The following RBL2 variants were observed in gnomAD, a reference collection of about 807,000 sequenced individuals.
RBL2 encodes the protein retinoblastoma-like protein 2.
In RBL2, 56 loss-of-function variants were observed where a neutral mutation model predicts 126.0. The ratio of observed to expected loss-of-function variants is 0.44; its 90% CI spans 0.36 to 0.56. The LOEUF is 0.56. RBL2 is among the 20% of genes least tolerant of loss of function. The probability of loss-of-function intolerance (pLI) is 0.00; values close to 1 mark genes in which losing one functional copy is unlikely to be tolerated. For synonymous variants in RBL2, 454 were observed against 478.5 expected (o/e 0.95, Z 0.67); for missense variants, 1,229 against 1,398.2 (o/e 0.88, Z 1.93).
chr16:53,453,372 T>G, intron 5 of RBL2, 80 bp from the exon 6 acceptor site: 1 of 1,313,050 alleles, frequency 7.6e-7, no homozygotes, highest in Non-Finnish European at 1.1e-6. Context: ...CTGATTATAC[T>G]CTATGTTTTA....
At chr16:53,439,715 T>C (rs2057995459) in intron 2 of RBL2, among the ~76,000 whole-genome samples, 1 of 152,154 alleles carries the variant, frequency 6.6e-6, no homozygotes, top group Non-Finnish European at 1.5e-5. Context: ...TTTTCTTACA[T>C]GGCTTATTAA....
At chr16:53,477,350 TTTTTTAA>T (rs1960765207) in intron 17 of RBL2, among the ~76,000 whole-genome samples, 1 of 152,220 alleles carries the variant, frequency 6.6e-6, no homozygotes, top group Non-Finnish European at 1.5e-5. Flanking sequence ...TCTTTCTTTC[TTTTTTAA>T]GACTGAGTCT....
Position 53,458,019 on chromosome 16 carries a change from A to G in RBL2, c.1180-1432A>G, listed in dbSNP as rs192148974. Reference sequence around the variant, plus strand: ...TTGGCTGCAAGAAACCTTGTAAGGCAGGGAGCAGCCTTTTGAATGCAATAA... The same window carrying G: ...TTGGCTGCAAGAAACCTTGTAAGGCGGGGAGCAGCCTTTTGAATGCAATAA... On this transcript the variant is annotated intron_variant, in intron 8 of 21. Coordinates refer to ENST00000262133, the MANE Select transcript of RBL2 (RefSeq NM_005611.4). 3.3e-5 allele frequency among the ~76,000 whole-genome samples: 5 copies of G among 152,346 alleles called. No individual in the cohort carries two copies. The East Asian group carries it at 9.6e-4, about 29-fold the overall frequency.
intron 14 of RBL2, among the ~76,000 whole-genome samples, chr16:53,468,297 G>C (rs2058289595): frequency 6.6e-6 from 1 of 152,096 alleles, no homozygotes; most frequent in Non-Finnish European, 1.5e-5. Flanking sequence ...CCAGCACTGT[G>C]GGAGACCTAG....
At chr16:53,437,063 T>TC (rs1188721030) in intron 1 of RBL2, among the ~76,000 whole-genome samples, 1 of 151,938 alleles carries the variant, frequency 6.6e-6, no homozygotes, top group East Asian at 1.9e-4. Context: ...TTTTTTTTTT[T>TC]CTCCCTCCAC....
intron 9 of RBL2, 87 bp from the exon 10 acceptor site, chr16:53,461,654 A>T: frequency 1.1e-6 from 1 of 872,792 alleles, no homozygotes; most frequent in Non-Finnish European, 1.7e-6. Context: ...TTTTATATTT[A>T]CATGTTAGTG....
intron 9 of RBL2, 100 bp from the exon 10 acceptor site, chr16:53,461,641 G>A (rs1733880354): frequency 1.3e-6 from 1 of 747,178 alleles, no homozygotes; most frequent in African/African-American, 1.8e-5. Flanking sequence ...TCTGTTCAGA[G>A]TGTTTTATAT....
At chr16:53,455,229 T>A (rs1241819947) in intron 8 of RBL2, among the ~76,000 whole-genome samples, 8 of 152,210 alleles carry the variant, frequency 5.3e-5, no homozygotes, top group Admixed American at 5.2e-4. Flanking sequence ...TCTACAGTCT[T>A]TAAGAAAATT....
At chr16:53,441,361 C>G (rs755745770) in intron 2 of RBL2, among the ~76,000 whole-genome samples, 1 of 152,162 alleles carries the variant, frequency 6.6e-6, no homozygotes, top group Non-Finnish European at 1.5e-5. Context: ...GGTGCACATT[C>G]TCTTACTGTA....
At chr16:53,440,234 T>G (rs1215958082) in intron 2 of RBL2, among the ~76,000 whole-genome samples, 1 of 150,412 alleles carries the variant, frequency 6.6e-6, no homozygotes, top group Non-Finnish European at 1.5e-5. Context: ...AGGCAGAGGT[T>G]GCAGTGAGCA....
intron 4 of RBL2, among the ~76,000 whole-genome samples, chr16:53,448,528 G>A (rs1178912850): frequency 6.6e-6 from 1 of 152,014 alleles, no homozygotes; most frequent in Non-Finnish European, 1.5e-5. Context: ...CTGTTGCCCA[G>A]GCTGGAGTGC....
At chr16:53,449,940 TA>T (rs1460037560) in intron 4 of RBL2, among the ~76,000 whole-genome samples, 1 of 150,542 alleles carries the variant, frequency 6.6e-6, no homozygotes, top group Non-Finnish European at 1.5e-5. Flanking sequence ...AGCTTTTTAT[TA>T]GATGTTACAG....
chr16:53,490,315 A>G lies in RBL2; in HGVS notation c.*15A>G, dbSNP rs755814842. On this transcript the variant is annotated 3_prime_UTR_variant, in exon 22 of 22. Transcript: ENST00000262133. Reference sequence around the variant, plus strand: ...GTTCCCACTGAGGTTAGTCTCTTGTATTAAACTCTTCACAAAATCTGTTTA... The same window carrying G: ...GTTCCCACTGAGGTTAGTCTCTTGTGTTAAACTCTTCACAAAATCTGTTTA... 4 of 1,555,216 alleles carry G rather than the reference A, an allele frequency of 2.6e-6. No individual in the cohort carries two copies. The highest frequency in any genetic ancestry group is 2.3e-5 in the East Asian group (1 of 43,716).
intron 21 of RBL2, among the ~76,000 whole-genome samples, chr16:53,486,784 C>T (rs1961192930): frequency 6.6e-6 from 1 of 152,050 alleles, no homozygotes; most frequent in Admixed American, 6.6e-5. Flanking sequence ...TGCAATAAGA[C>T]AAGAAAAGCC....
intron 17 of RBL2, among the ~76,000 whole-genome samples, chr16:53,474,631 A>G (rs911792037): frequency 6.6e-6 from 1 of 152,082 alleles, no homozygotes; most frequent in African/African-American, 2.4e-5. Context: ...TTCTTTTTAT[A>G]TGTTGCTAGG....
chr16:53,472,268 A>T (rs1311993030), intron 17 of RBL2, among the ~76,000 whole-genome samples: 1 of 152,034 alleles, frequency 6.6e-6, no homozygotes, highest in African/African-American at 2.4e-5. Context: ...AGTCCTTTTG[A>T]GTTTATTCCT....
chr16:53,449,327 A>G (rs913130363), intron 4 of RBL2: 1 of 152,124 alleles, frequency 6.6e-6, no homozygotes, highest in African/African-American at 2.4e-5. Context: ...AAATAATTTC[A>G]TTGTCCTTAT....
At chr16:53,474,899 G>C (rs1352797610) in intron 17 of RBL2, among the ~76,000 whole-genome samples, 1 of 151,888 alleles carries the variant, frequency 6.6e-6, no homozygotes, top group East Asian at 1.9e-4. Flanking sequence ...TTAATTTACA[G>C]CTGCCTGAAA....
At chr16:53,442,459 CA>C (rs1567726045) in intron 2 of RBL2, among the ~76,000 whole-genome samples, 198 bp from the exon 3 acceptor site, 1 of 152,022 alleles carries the variant, frequency 6.6e-6, no homozygotes, top group Non-Finnish European at 1.5e-5. Context: ...GTAACCTAAA[CA>C]AAATGGATTA....
Sources: allele counts gnomAD v4.1 joint callset (sites outside exome capture counted in the v4.1 genomes callset), GRCh38; gene constraint gnomAD v4.1.1; transcripts MANE v1.5; gene names NCBI Gene and HGNC (gene_info 2026-07-23, HGNC 2026-07-21).